Variants in GAB4 observed in about 807,000 individuals in gnomAD.
GAB4 encodes GRB2-associated-binding protein 4.
Under a neutral mutation model 51.3 loss-of-function variants are expected in GAB4, and 26 were observed. The ratio of observed to expected loss-of-function variants is 0.51; its 90% CI spans 0.37 to 0.70. GAB4 has a LOEUF of 0.70. Among genes scored for constraint, GAB4 ranks in the 30% least tolerant of loss-of-function variants. The probability of loss-of-function intolerance (pLI) is 0.00; values close to 1 mark genes in which losing one functional copy is unlikely to be tolerated. For synonymous variants in GAB4, 329 were observed against 291.2 expected, an observed-to-expected ratio of 1.13 and a Z score of -1.32; for missense variants, 759 against 734.6, an observed-to-expected ratio of 1.03 and a Z score of -0.38.
chr22:16,974,984 A>G (rs78761976), intron 3 of GAB4, among the ~76,000 whole-genome samples: 9 of 152,248 alleles, frequency 5.9e-5, no homozygotes, highest in East Asian at 5.8e-4. Context: ...TCTGGCCCAG[A>G]TACACTTTTC....
At chr22:16,978,494 T>A (rs751670119) in intron 3 of GAB4, among the ~76,000 whole-genome samples, 48 of 152,286 alleles carry the variant, frequency 3.2e-4, no homozygotes, top group Non-Finnish European at 6.2e-4. Flanking sequence ...GGAAGTCGAA[T>A]CCCTGAATAG....
At chr22:16,974,862 T>C (rs1601258416) in intron 3 of GAB4, among the ~76,000 whole-genome samples, 2 of 151,880 alleles carry the variant, frequency 1.3e-5, no homozygotes, top group South Asian at 4.2e-4. Context: ...CCACAGAGGG[T>C]GAGCCGAAGC....
chr22:16,975,390 C>T (rs547047549), intron 3 of GAB4, among the ~76,000 whole-genome samples: 1 of 152,292 alleles, frequency 6.6e-6, no homozygotes, highest in South Asian at 2.1e-4. Flanking sequence ...AACAAACCCT[C>T]CAGGAAGTTC....
rs771139467 is a variant in GAB4 at position 16,963,827 on chromosome 22, GTTC to G, written c.1477-1_1478del. ...CGGAAACAGGAAATGCAGATGCCGG[GTTC>G]TGCTGTCACAAGGAGGAAAATCCTG... On this transcript the variant is annotated splice_acceptor_variant and coding_sequence_variant, in exon 9 of 10. Coordinates refer to ENST00000400588, the MANE Select transcript of GAB4 (RefSeq NM_001037814.1). LOFTEE classifies it high-confidence loss of function. 1 of 1,612,712 alleles carries G rather than the reference GTTC, an allele frequency of 6.2e-7. No individual in the cohort carries two copies. The highest frequency in any genetic ancestry group is 1.7e-5 in the Admixed American group (1 of 60,020).
chr22:16,999,817 T>A lies in GAB4; in HGVS notation c.175-7641A>T, dbSNP rs376851641. 2.6e-5 allele frequency among the ~76,000 whole-genome samples: 4 copies of A among 152,256 alleles called. No homozygotes were observed. In the East Asian group the frequency reaches 5.8e-4, roughly 22 times the overall value. On this transcript the variant is annotated intron_variant, in intron 1 of 9. Transcript: ENST00000400588. ...CCCTCTACACACTGCTTTGAATGTGTCCCAGAGCTTCTGGTATGTTGTGCC... is the reference window on the plus strand; with the variant it reads ...CCCTCTACACACTGCTTTGAATGTGACCCAGAGCTTCTGGTATGTTGTGCC...
intron 1 of GAB4, among the ~76,000 whole-genome samples, chr22:17,000,704 T>A (rs1239118530): frequency 1.3e-5 from 2 of 152,180 alleles, no homozygotes; most frequent in Non-Finnish European, 2.9e-5. Context: ...GTTATTTTGC[T>A]CGTTAGTTGA....
Position 16,992,057 on chromosome 22 carries a change from G to C in GAB4, c.294C>G (p.Leu98=). Residue 98 remains leucine, a synonymous_variant, in exon 2 of 10, where the codon CTC becomes CTG. Transcript: ENST00000400588. ...TCACATCAACATCCAGCTGCTCACA[G>C]AGGTTCAGGTTGATGGTGCGCAGGG... ...KKPLRTINLN[L]CEQLDVDVTL... The C allele has an allele frequency of 6.2e-7, 1 of 1,614,228 alleles. No homozygotes were observed. Among genetic ancestry groups the C allele is most frequent in the Non-Finnish European group, 8.5e-7 (1 of 1,180,036 alleles).
chr22:16,968,943 G>A (rs1241165622), intron 4 of GAB4, among the ~76,000 whole-genome samples: 1 of 152,132 alleles, frequency 6.6e-6, no homozygotes, highest in East Asian at 1.9e-4. Context: ...AGTACCATGG[G>A]CCTCATATAA....
intron 1 of GAB4, among the ~76,000 whole-genome samples, chr22:16,996,021 A>G (rs2060946605): frequency 2.6e-5 from 4 of 152,042 alleles, no homozygotes; most frequent in Non-Finnish European, 4.4e-5. Context: ...GAGCTAAAGG[A>G]GCATGGTCTA....
At chr22:16,991,139 G>A (rs374540830) in intron 2 of GAB4, among the ~76,000 whole-genome samples, 10 of 152,188 alleles carry the variant, frequency 6.6e-5, no homozygotes, top group East Asian at 5.8e-4. Flanking sequence ...CAAAAAAAGT[G>A]GGAAAGAGTG....
intron 1 of GAB4, among the ~76,000 whole-genome samples, chr22:17,000,469 T>A (rs1488264956): frequency 6.6e-6 from 1 of 152,174 alleles, no homozygotes; most frequent in Non-Finnish European, 1.5e-5. Flanking sequence ...CCCCTGCTTT[T>A]TTTTTGTTTT....
intron 4 of GAB4, chr22:16,969,729 T>G (rs2123653234): frequency 1.5e-6 from 1 of 675,156 alleles, no homozygotes; most frequent in Non-Finnish European, 2.6e-6. Context: ...GCTGCCCCAC[T>G]GACATGCTTC....
In GAB4 at chr22:17,007,836, CA is replaced by C. The variant is rs942441753; in HGVS notation, c.174+104del. Reference sequence around the variant, plus strand: ...CATGCAGACGTGGAGAAGTCGCCTCCACCCGCAGCTCCTCCCGTGGACCCAG... The same window carrying C: ...CATGCAGACGTGGAGAAGTCGCCTCCCCCGCAGCTCCTCCCGTGGACCCAG... On this transcript the variant is annotated intron_variant, in intron 1 of 9. Transcript: ENST00000400588. The C allele has an allele frequency of 1.0e-5, 11 of 1,072,572 alleles. No individual in the cohort carries two copies. The African/African-American group carries it at 1.3e-4, about 13-fold the overall frequency. 66.4% of individuals were successfully genotyped at this position (1,072,572 alleles called of 1,614,324 possible). A position where few individuals can be genotyped will look rare whatever the true frequency, so the allele number is the denominator to read the frequency against.
At chr22:16,964,084 T>A (rs1381546140) in intron 8 of GAB4, among the ~76,000 whole-genome samples, 2 of 152,096 alleles carry the variant, frequency 1.3e-5, no homozygotes, top group Non-Finnish European at 2.9e-5. Context: ...AGTAGGTCCA[T>A]CCTATGAAGC....
In GAB4 at chr22:16,963,785, T is replaced by C; in HGVS notation, c.1521A>G (p.Ser507=). The C allele has an allele frequency of 6.2e-7, 1 of 1,613,926 alleles. No homozygotes were observed. Among genetic ancestry groups the C allele is most frequent in the Middle Eastern group, 1.7e-4 (1 of 6,004 alleles). ...AFPVSGGTSS[S]APPRSTGNIH... is the part of the protein sequence containing the mutation. The stretch of plus-strand genomic sequence containing the variant: ...TGTTACCAGTGCTCCTCGGCGGGGC[T>C]GAACTGCTGGTGCCACCGGAAACAG... The change falls in exon 9 of 10, where the codon TCA becomes TCG. Residue 507 remains serine (S), a synonymous_variant. Coordinates refer to ENST00000400588, the MANE Select transcript of GAB4 (RefSeq NM_001037814.1).
chr22:17,006,242 T>C (rs1408132769), intron 1 of GAB4, among the ~76,000 whole-genome samples: 1 of 152,206 alleles, frequency 6.6e-6, no homozygotes, highest in Non-Finnish European at 1.5e-5. Context: ...GAAGAAGATA[T>C]TTATGTGGCC....
At position 16,963,835 on chromosome 22, in the gene GAB4, G is replaced by A; in HGVS notation, c.1477-6C>T. 6.2e-7 allele frequency: 1 copy of A among 1,610,414 alleles called. No individual in the cohort carries two copies. Among genetic ancestry groups the A allele is most frequent in the East Asian group, 2.2e-5 (1 of 44,854 alleles). ...GGAAATGCAGATGCCGGGTTCTGCT[G>A]TCACAAGGAGGAAAATCCTGCAAAT... On this transcript the variant is annotated splice_polypyrimidine_tract_variant and splice_region_variant and intron_variant, in intron 8 of 9. Transcript: ENST00000400588.
chr22:16,987,056 T>G (rs1450935400), intron 3 of GAB4, among the ~76,000 whole-genome samples: 1 of 152,218 alleles, frequency 6.6e-6, no homozygotes, highest in Non-Finnish European at 1.5e-5. Flanking sequence ...CCTAGCTATC[T>G]CTCATATGTT....
intron 3 of GAB4, among the ~76,000 whole-genome samples, chr22:16,980,078 AC>A (rs1263427479): frequency 6.6e-6 from 1 of 152,216 alleles, no homozygotes; most frequent in Non-Finnish European, 1.5e-5. Context: ...CCTAGGCAAT[AC>A]CATTAAGCAC....
Sources: allele counts gnomAD v4.1 joint callset (sites outside exome capture counted in the v4.1 genomes callset), GRCh38; gene constraint gnomAD v4.1.1; transcripts MANE v1.5; gene names NCBI Gene and HGNC (gene_info 2026-07-23, HGNC 2026-07-21).